Variants in PTPRJ observed in about 807,000 individuals in gnomAD.
The protein encoded by PTPRJ is protein tyrosine phosphatase receptor type J.
A neutral mutation model predicts 141.3 loss-of-function variants in PTPRJ; 129 were observed. The ratio of observed to expected loss-of-function variants is 0.91; its 90% CI spans 0.79 to 1.06. The LOEUF (loss-of-function observed/expected upper bound fraction) is 1.06, where lower values mean the gene tolerates loss of function less well. PTPRJ is among the 50% of genes least tolerant of loss of function. The probability of loss-of-function intolerance (pLI) is 0.00; values close to 1 mark genes in which losing one functional copy is unlikely to be tolerated. For missense variants in PTPRJ, 1,601 were observed against 1,679.7 expected (o/e 0.95, Z 0.82); for synonymous variants, 610 against 640.5 (o/e 0.95, Z 0.72).
chr11:48,016,768 A>G (rs183770529), intron 1 of PTPRJ, among the ~76,000 whole-genome samples: 5 of 152,202 alleles, frequency 3.3e-5, no homozygotes. Context: ...TGTGCTAATG[A>G]TGGTGGTGAT....
intron 1 of PTPRJ, among the ~76,000 whole-genome samples, chr11:48,014,140 C>T (rs907596252): frequency 6.6e-6 from 1 of 152,138 alleles, no homozygotes; most frequent in South Asian, 2.1e-4. Flanking sequence ...TTGGGACTAT[C>T]TCTCTATGGG....
chr11:48,128,026 T>G lies in PTPRJ; in HGVS notation c.1340T>G (p.Phe447Cys). 6.2e-7 allele frequency: 1 copy of G among 1,613,220 alleles called. No homozygotes were observed. The highest frequency in any genetic ancestry group is 8.5e-7 in the Non-Finnish European group (1 of 1,179,232). The change falls in exon 7 of 25, where the codon TTC becomes TGC. Residue 447 changes from phenylalanine (F) to cysteine (C), a missense_variant. Coordinates refer to ENST00000418331, the MANE Select transcript of PTPRJ (RefSeq NM_002843.4). ...GGTGACATCGAGGGCACGCCGGGCT[T>G]CCTCCAAGTGCACACCCGTGAGTTC... ...VLGDIEGTPG[F>C]LQVHTPPVPV...
chr11:48,156,149 A>C (rs780498019), intron 21 of PTPRJ, 30 bp downstream of exon 21: 2 of 1,512,074 alleles, frequency 1.3e-6, no homozygotes, highest in Admixed American at 3.7e-5. Context: ...TTTAAAATTT[A>C]AAATTACATT....
chr11:48,010,548 A>T (rs546207849), intron 1 of PTPRJ, among the ~76,000 whole-genome samples: 20 of 150,926 alleles, frequency 1.3e-4, no homozygotes, highest in East Asian at 4.0e-4. Flanking sequence ...TATTATTATT[A>T]TTTTTTGAGA....
intron 1 of PTPRJ, among the ~76,000 whole-genome samples, chr11:48,082,385 A>G (rs1451654725): frequency 1.3e-5 from 2 of 149,488 alleles, no homozygotes; most frequent in African/African-American, 4.9e-5. Flanking sequence ...CTGGGACCAC[A>G]GGCTTACACC....
At chr11:47,989,253 C>G (rs1317559839) in intron 1 of PTPRJ, among the ~76,000 whole-genome samples, 3 of 150,022 alleles carry the variant, frequency 2.0e-5, no homozygotes, top group African/African-American at 7.3e-5. Flanking sequence ...GCCTCTGCTT[C>G]TTCTTCTTTT....
intron 7 of PTPRJ, among the ~76,000 whole-genome samples, chr11:48,129,381 G>T (rs1483808426): frequency 6.6e-6 from 1 of 152,194 alleles, no homozygotes; most frequent in Non-Finnish European, 1.5e-5. Context: ...TCACATGGTT[G>T]TCCTTAGTCT....
chr11:48,017,450 T>G (rs1854980312), intron 1 of PTPRJ, among the ~76,000 whole-genome samples: 1 of 152,186 alleles, frequency 6.6e-6, no homozygotes, highest in Admixed American at 6.5e-5. Context: ...AAATAAGAGA[T>G]GCCTAGATAC....
chr11:48,053,032 G>A (rs2134249268), intron 1 of PTPRJ, among the ~76,000 whole-genome samples: 1 of 144,850 alleles, frequency 6.9e-6, no homozygotes, highest in African/African-American at 2.6e-5. Context: ...GTGAGAATGT[G>A]GCTCTGTGTT....
chr11:47,988,416 G>A (rs1041295766), intron 1 of PTPRJ, among the ~76,000 whole-genome samples: 7 of 151,874 alleles, frequency 4.6e-5, no homozygotes, highest in Non-Finnish European at 8.8e-5. Context: ...TTGGATCTCG[G>A]CTCACTGCAG....
In PTPRJ at chr11:48,164,392, A is replaced by T; in HGVS notation, c.3732A>T (p.Gly1244=). ...PILVHCSAGV[G]RTGTFIAIDR... is the part of the protein sequence containing the mutation. The stretch of plus-strand genomic sequence containing the variant: ...TCTTTTCTCTCAGTGCTGGGGTCGG[A>T]AGGACGGGCACTTTCATTGCCATTG... Residue 1244 remains glycine, a synonymous_variant, in exon 24 of 25, where the codon GGA becomes GGT. Coordinates refer to ENST00000418331, the MANE Select transcript of PTPRJ (RefSeq NM_002843.4). The T allele has an allele frequency of 6.2e-7, 1 of 1,613,958 alleles. No individual in the cohort carries two copies.
At chr11:48,089,631 A>G (rs1469652477) in intron 1 of PTPRJ, among the ~76,000 whole-genome samples, 1 of 152,212 alleles carries the variant, frequency 6.6e-6, no homozygotes, top group African/African-American at 2.4e-5. Context: ...TCTTTTAAAA[A>G]ATGTGTTAAA....
At position 48,127,771 on chromosome 11, in the gene PTPRJ, T is replaced by C; in HGVS notation, c.1094-9T>C. The C allele has an allele frequency of 6.2e-7, 1 of 1,613,282 alleles. No individual in the cohort carries two copies. Among genetic ancestry groups the C allele is most frequent in the Non-Finnish European group, 8.5e-7 (1 of 1,179,278 alleles). ...CTGGTTATTTTGAACTCCTCTTGTG[T>C]TCTCACAGATGCTATTCAGGTTTTT... On this transcript the variant is annotated splice_polypyrimidine_tract_variant and intron_variant, in intron 6 of 24. Transcript: ENST00000418331.
At chr11:48,019,254 T>G (rs1272380538) in intron 1 of PTPRJ, among the ~76,000 whole-genome samples, 1 of 152,132 alleles carries the variant, frequency 6.6e-6, no homozygotes, top group East Asian at 1.9e-4. Context: ...AGAAGAGGAT[T>G]TTCAGTGACG....
At chr11:48,088,162 C>T (rs1183724125) in intron 1 of PTPRJ, among the ~76,000 whole-genome samples, 1 of 152,192 alleles carries the variant, frequency 6.6e-6, no homozygotes, top group Non-Finnish European at 1.5e-5. Context: ...CACGCTTGGT[C>T]ACTCTTCCCT....
chr11:48,014,851 C>T (rs555380116), intron 1 of PTPRJ, among the ~76,000 whole-genome samples: 217 of 152,212 alleles, frequency 1.4e-3, no homozygotes, highest in Middle Eastern at 0.01. Context: ...TACAGGCATG[C>T]GCCACCATGC....
At chr11:48,106,889 C>T (rs1285529712) in intron 1 of PTPRJ, among the ~76,000 whole-genome samples, 1 of 151,464 alleles carries the variant, frequency 6.6e-6, no homozygotes, top group Non-Finnish European at 1.5e-5. Context: ...CTGCCTCAGC[C>T]TCCCAGAGTG....
chr11:47,984,150 G>T (rs1020349130), intron 1 of PTPRJ, among the ~76,000 whole-genome samples: 8 of 152,198 alleles, frequency 5.3e-5, no homozygotes, highest in Admixed American at 4.6e-4. Context: ...TTCAAGTTGG[G>T]CCCCACGATA....
In PTPRJ at chr11:48,065,305, C is replaced by T. The variant is rs190800191; in HGVS notation, c.97-44753C>T. 2.8e-3 allele frequency among the ~76,000 whole-genome samples: 424 copies of T among 152,198 alleles called. 1 individual carries two copies. The highest frequency in any genetic ancestry group is 9.5e-3 in the African/African-American group (396 of 41,514). On this transcript the variant is annotated intron_variant, in intron 1 of 24. Coordinates refer to ENST00000418331, the MANE Select transcript of PTPRJ (RefSeq NM_002843.4). ...ATGGGATTACAGATGTGAGTCACTG[C>T]GCCTGGCCAACTGCTTTGGTTTCTG...
Sources: gnomAD v4.1 joint callset for allele counts (sites outside exome capture counted in the v4.1 genomes callset) on GRCh38, gnomAD v4.1.1 for gene constraint, MANE v1.5 for transcripts, NCBI Gene and HGNC (gene_info 2026-07-23, HGNC 2026-07-21) for gene names.